Variants in LIN28B observed in about 807,000 individuals in gnomAD.
The protein encoded by LIN28B is lin-28 RNA binding posttranscriptional regulator B.
LIN28B carries 5 observed loss-of-function variants against 21.9 expected under a neutral mutation model. The observed-to-expected ratio is 0.23, with a 90% CI of 0.12 to 0.48. The LOEUF is 0.48. Among genes scored for constraint, LIN28B ranks in the 20% least tolerant of loss-of-function variants. The probability of loss-of-function intolerance (pLI) is 0.98; values close to 1 mark genes in which losing one functional copy is unlikely to be tolerated. For synonymous variants in LIN28B, 109 were observed against 111.3 expected, an observed-to-expected ratio of 0.98 and a Z score of 0.13; for missense variants, 245 against 310.5, an observed-to-expected ratio of 0.79 and a Z score of 1.58.
chr6:104,971,399 A>G (rs949963777), intron 2 of LIN28B, among the ~76,000 whole-genome samples: 2 of 152,182 alleles, frequency 1.3e-5, no homozygotes, highest in South Asian at 2.1e-4. Context: ...TGATCTTCCT[A>G]TCAGTCCAAG....
intron 2 of LIN28B, among the ~76,000 whole-genome samples, chr6:104,950,016 A>G (rs904369178): frequency 6.6e-6 from 1 of 152,216 alleles, no homozygotes; most frequent in Non-Finnish European, 1.5e-5. Context: ...TACCATCGTT[A>G]GATTCTCATG....
chr6:105,058,734 A>G (rs1187896444), intron 3 of LIN28B, among the ~76,000 whole-genome samples: 1 of 152,152 alleles, frequency 6.6e-6, no homozygotes, highest in Non-Finnish European at 1.5e-5. Flanking sequence ...AATGAAGTGT[A>G]TTTTTGTATG....
At chr6:105,016,771 C>T (rs1582897509) in intron 2 of LIN28B, among the ~76,000 whole-genome samples, 2 of 152,064 alleles carry the variant, frequency 1.3e-5, no homozygotes, top group South Asian at 4.1e-4. Flanking sequence ...AAAACAGACA[C>T]ATTGGCAGAG....
intron 3 of LIN28B, among the ~76,000 whole-genome samples, chr6:105,065,845 G>A (rs221631): frequency 0.82 from 124,595 of 152,200 alleles, 51,195 homozygotes; most frequent in Non-Finnish European, 0.86. Context: ...GATGATTAAT[G>A]TTTCTTACTA....
intron 2 of LIN28B, among the ~76,000 whole-genome samples, chr6:104,963,806 C>T (rs987697993): frequency 5.3e-5 from 8 of 152,258 alleles, no homozygotes; most frequent in Non-Finnish European, 7.4e-5. Context: ...CGCTAATTTT[C>T]AATTCCTCTT....
chr6:105,036,424 C>T (rs953466952), intron 3 of LIN28B, among the ~76,000 whole-genome samples: 5 of 152,128 alleles, frequency 3.3e-5, no homozygotes, highest in African/African-American at 1.2e-4. Context: ...TTATTATAGC[C>T]TAATTTTAGG....
upstream of LIN28B, among the ~76,000 whole-genome samples, chr6:104,953,067 A>G (rs1778238942): frequency 6.6e-6 from 1 of 152,238 alleles, no homozygotes; most frequent in African/African-American, 2.4e-5. Context: ...CAAGTGGTTT[A>G]CCAAAACGCG....
At chr6:104,963,883 T>G (rs1187918932) in intron 2 of LIN28B, among the ~76,000 whole-genome samples, 1 of 152,202 alleles carries the variant, frequency 6.6e-6, no homozygotes, top group Non-Finnish European at 1.5e-5. Context: ...TAAATAAAAA[T>G]ATGAGTGTCA....
In LIN28B at chr6:105,014,892, G is replaced by A. The variant is rs533741669; in HGVS notation, c.199-11406G>A. On this transcript the variant is annotated intron_variant, in intron 2 of 3. Transcript: ENST00000345080. ...TGGTTTAAAAATTTTTAAATTTCCC[G>A]TGATTTTTTTTTTGCATTATCAGGT... is the stretch of plus-strand genomic sequence containing the variant. Among the ~76,000 whole-genome samples, 12 of 151,228 alleles carry A rather than the reference G, an allele frequency of 7.9e-5. No individual in the cohort carries two copies. The South Asian group carries it at 1.0e-3, about 13-fold the overall frequency.
At chr6:104,942,013 C>T (rs991621011) in intron 2 of LIN28B, among the ~76,000 whole-genome samples, 3 of 152,182 alleles carry the variant, frequency 2.0e-5, no homozygotes, top group African/African-American at 7.2e-5. Flanking sequence ...TCTTAGGTGC[C>T]TGTGTTTCCT....
intron 3 of LIN28B, among the ~76,000 whole-genome samples, chr6:105,027,210 T>G (rs183655241): frequency 1.1e-4 from 16 of 152,222 alleles, no homozygotes; most frequent in Admixed American, 7.2e-4. Context: ...ATCAAAAAAA[T>G]ATGTATTTTA....
At chr6:105,004,194 C>G (rs1770772553) in intron 2 of LIN28B, among the ~76,000 whole-genome samples, 2 of 152,142 alleles carry the variant, frequency 1.3e-5, no homozygotes, top group Non-Finnish European at 2.9e-5. Context: ...TGGTGACCAC[C>G]CAGATTAAGG....
intron 3 of LIN28B, among the ~76,000 whole-genome samples, chr6:105,074,358 C>T (rs897530699): frequency 3.9e-5 from 6 of 152,056 alleles, no homozygotes; most frequent in Admixed American, 6.5e-5. Context: ...CCACCATGCC[C>T]GGCTAATTTT....
At chr6:104,991,940 AGT>A (rs1346103523) in intron 2 of LIN28B, among the ~76,000 whole-genome samples, 2 of 142,736 alleles carry the variant, frequency 1.4e-5, no homozygotes, top group African/African-American at 5.1e-5. Context: ...GGGAGGTTGC[AGT>A]GAGCGGAGAT....
chr6:104,959,946 T>C (rs1171576970), intron 2 of LIN28B, among the ~76,000 whole-genome samples: 1 of 152,216 alleles, frequency 6.6e-6, no homozygotes, highest in Admixed American at 6.5e-5. Context: ...TGTTAAGATA[T>C]TTTATTAACC....
At chr6:105,074,578 C>T (rs552388091) in intron 3 of LIN28B, among the ~76,000 whole-genome samples, 5 of 152,296 alleles carry the variant, frequency 3.3e-5, no homozygotes, top group African/African-American at 1.2e-4. Flanking sequence ...TATCTTCTAT[C>T]TTTAAACGCT....
At chr6:105,070,661 T>A (rs999238858) in intron 3 of LIN28B, among the ~76,000 whole-genome samples, 3 of 125,286 alleles carry the variant, frequency 2.4e-5, no homozygotes, top group Admixed American at 2.4e-4. Context: ...ATACCTGTAG[T>A]CTCAGCTGCT....
upstream of LIN28B, among the ~76,000 whole-genome samples, chr6:104,956,255 T>A (rs904590781): frequency 1.3e-5 from 2 of 151,876 alleles, no homozygotes; most frequent in Non-Finnish European, 1.5e-5. Flanking sequence ...TCCTGCCCTA[T>A]GTCCTCCAGC....
intron 2 of LIN28B, among the ~76,000 whole-genome samples, chr6:104,937,861 T>A (rs1358665488): frequency 6.6e-6 from 1 of 151,654 alleles, no homozygotes; most frequent in East Asian, 1.9e-4. Context: ...GTTGTAGGCA[T>A]TGGAGATATT....
Sources: allele counts gnomAD v4.1 joint callset (sites outside exome capture counted in the v4.1 genomes callset), GRCh38; gene constraint gnomAD v4.1.1; transcripts MANE v1.5; gene names NCBI Gene and HGNC (gene_info 2026-07-23, HGNC 2026-07-21).